ARHGEF26: variants seen among roughly 807,000 people sequenced by gnomAD.
The protein encoded by ARHGEF26 is Rho guanine nucleotide exchange factor (GEF) 26.
Under a neutral mutation model 89.4 loss-of-function variants are expected in ARHGEF26, and 59 were observed. The observed-to-expected ratio is 0.66, with a 90% CI of 0.54 to 0.82. ARHGEF26 has a LOEUF of 0.82. Ranked by LOEUF, ARHGEF26 falls within the 40% of genes least tolerant of loss-of-function variation. The pLI, the probability that ARHGEF26 is intolerant of heterozygous loss-of-function variation, is 0.00. For missense variants in ARHGEF26, 1,234 were observed against 1,085.6 expected (o/e 1.14, Z -1.92); for synonymous variants, 500 against 428.4 (o/e 1.17, Z -2.06).
chr3:154,155,540 C>G lies in ARHGEF26; in HGVS notation c.1487+2608C>G, dbSNP rs1006061117. Reference sequence around the variant, plus strand: ...ATACAAGTAGAAATGATGAACATAACTGAATTTATCAAATACCAAAATATT... The same window carrying G: ...ATACAAGTAGAAATGATGAACATAAGTGAATTTATCAAATACCAAAATATT... On this transcript the variant is annotated intron_variant, in intron 6 of 14. Transcript: ENST00000465093. Among the ~76,000 whole-genome samples the G allele has an allele frequency of 2.0e-5, 3 of 152,038 alleles. No homozygotes were observed. The East Asian group carries it at 5.8e-4, about 29-fold the overall frequency.
rs754344998 is a variant in ARHGEF26, at chr3:154,217,859, G to T, written c.1846-10G>T. The T allele has an allele frequency of 6.3e-7, 1 of 1,586,304 alleles. No individual in the cohort carries two copies. Among genetic ancestry groups the T allele is most frequent in the Non-Finnish European group, 8.6e-7 (1 of 1,165,116 alleles). Reference sequence around the variant, plus strand: ...GACCTTTAACCCTCGTTACTCTTCTGTGTTCCCAGTTGGTTCGACTATGCA... The same window carrying T: ...GACCTTTAACCCTCGTTACTCTTCTTTGTTCCCAGTTGGTTCGACTATGCA... On this transcript the variant is annotated splice_polypyrimidine_tract_variant and intron_variant, in intron 9 of 14. Transcript: ENST00000465093.
At chr3:154,176,144 G>A (rs781663465) in intron 6 of ARHGEF26, among the ~76,000 whole-genome samples, 30 of 152,240 alleles carry the variant, frequency 2.0e-4, no homozygotes, top group Admixed American at 4.6e-4. Flanking sequence ...TTAAACCGGA[G>A]ACTATCACCC....
At chr3:154,203,631 T>C (rs1010149682) in intron 9 of ARHGEF26, among the ~76,000 whole-genome samples, 1 of 152,174 alleles carries the variant, frequency 6.6e-6, no homozygotes, top group Non-Finnish European at 1.5e-5. Flanking sequence ...TCATATGATT[T>C]TTTATCATGT....
chr3:154,254,158 G>A (rs1404433382), intron 13 of ARHGEF26, among the ~76,000 whole-genome samples: 8 of 152,064 alleles, frequency 5.3e-5, no homozygotes, highest in African/African-American at 9.7e-5. Context: ...CTCGTGATCC[G>A]CCTGCCTCGG....
At chr3:154,139,907 G>C (rs76453079) in intron 4 of ARHGEF26, among the ~76,000 whole-genome samples, 1 of 152,140 alleles carries the variant, frequency 6.6e-6, no homozygotes, top group Non-Finnish European at 1.5e-5. Context: ...TCTGTAGCAG[G>C]AAGTATTATT....
chr3:154,254,799 C>A lies in ARHGEF26; in HGVS notation c.2448C>A (p.Val816=). Residue 816 remains valine (V), a synonymous_variant, in exon 14 of 15, where the codon GTC becomes GTA. Coordinates refer to ENST00000465093, the MANE Select transcript of ARHGEF26 (RefSeq NM_015595.4). ...DELSLQVADV[V]LIYQRVSDGW... Reference sequence around the variant, plus strand: ...TCTCCCTGCAGGTGGCTGACGTCGTCCTCATCTATCAACGTGTCAGCGATG... The same window carrying A: ...TCTCCCTGCAGGTGGCTGACGTCGTACTCATCTATCAACGTGTCAGCGATG... 1 of 1,613,816 alleles carries A rather than the reference C, an allele frequency of 6.2e-7. No homozygotes were observed. Among genetic ancestry groups the A allele is most frequent in the South Asian group, 1.1e-5 (1 of 91,068 alleles).
In ARHGEF26 at chr3:154,167,403, C is replaced by T. The variant is rs571253041; in HGVS notation, c.1487+14471C>T. ...TGGGGGAACTGAGGAAGTGACCTTT[C>T]CTTACCGCTCAATCTTCTTTCCTTT... On this transcript the variant is annotated intron_variant, in intron 6 of 14. Transcript: ENST00000465093. Among the ~76,000 whole-genome samples the T allele has an allele frequency of 1.1e-4, 17 of 152,266 alleles. 1 individual carries two copies. The South Asian group carries it at 3.5e-3, about 32-fold the overall frequency.
intron 6 of ARHGEF26, among the ~76,000 whole-genome samples, chr3:154,161,994 G>A (rs2108119332): frequency 6.6e-6 from 1 of 152,292 alleles, no homozygotes; most frequent in East Asian, 1.9e-4. Context: ...ATTCTGAGTT[G>A]TCACATGGAG....
Position 154,241,433 on chromosome 3 carries a change from C to G in ARHGEF26, c.2300+854C>G, listed in dbSNP as rs115408539. On this transcript the variant is annotated intron_variant, in intron 12 of 14. Transcript: ENST00000465093. ...GGATCAGCAGCTGATGAATAACAAC[C>G]CTAAAATTGTAGCAAGATCTTAGAG... is the stretch of plus-strand genomic sequence containing the variant. Among the ~76,000 whole-genome samples, 1,387 of 152,204 alleles carry G rather than the reference C, an allele frequency of 9.1e-3. 11 individuals carry two copies. Among genetic ancestry groups the G allele is most frequent in the Non-Finnish European group, 0.016 (1,058 of 68,012 alleles).
chr3:154,138,417 CTT>C (rs1336222976), intron 4 of ARHGEF26, among the ~76,000 whole-genome samples: 4 of 152,072 alleles, frequency 2.6e-5, no homozygotes, highest in Non-Finnish European at 5.9e-5. Flanking sequence ...AGCGTTGGAA[CTT>C]TATGTAACTC....
chr3:154,140,410 A>G (rs1719287006), intron 4 of ARHGEF26, among the ~76,000 whole-genome samples: 1 of 152,162 alleles, frequency 6.6e-6, no homozygotes, highest in Non-Finnish European at 1.5e-5. Flanking sequence ...CAAAAGATGG[A>G]TACATGTACC....
chr3:154,194,936 C>T (rs1159004062), intron 9 of ARHGEF26, among the ~76,000 whole-genome samples: 1 of 152,204 alleles, frequency 6.6e-6, no homozygotes, highest in African/African-American at 2.4e-5. Flanking sequence ...CCTACAGATA[C>T]CTCATTTTCT....
intron 9 of ARHGEF26, among the ~76,000 whole-genome samples, chr3:154,203,539 A>C (rs1714797616): frequency 6.6e-6 from 1 of 152,126 alleles, no homozygotes; most frequent in African/African-American, 2.4e-5. Flanking sequence ...TGGTGGTGAA[A>C]GTGGATATCC....
chr3:154,153,055 TC>T, intron 6 of ARHGEF26, 123 bp downstream of exon 6: 1 of 873,380 alleles, frequency 1.1e-6, no homozygotes, highest in South Asian at 3.1e-5. Context: ...TTGTCTTGAT[TC>T]CTTGAAATAC....
At position 154,163,758 on chromosome 3, in the gene ARHGEF26, G is replaced by A. The variant is rs145307437; in HGVS notation, c.1487+10826G>A. ...TTATTTTCTCATGGACATTGTTCCC[G>A]AAGTGAAGAATATTGTCCATATCTT... On this transcript the variant is annotated intron_variant, in intron 6 of 14. Transcript: ENST00000465093. Among the ~76,000 whole-genome samples, 924 of 152,258 alleles carry A rather than the reference G, an allele frequency of 6.1e-3. 7 individuals carry two copies. The highest frequency in any genetic ancestry group is 0.021 in the African/African-American group (863 of 41,548).
At position 154,205,127 on chromosome 3, in the gene ARHGEF26, C is replaced by CACTAGA. The variant is rs1714934158; in HGVS notation, c.1845+10409_1845+10410insACTAGA. ...GTTGAAGTCTCTAGCTATTATGGTA[C>CACTAGA]TATGGTGTATCTCTTTCTTTACCTT... On this transcript the variant is annotated intron_variant, in intron 9 of 14. Transcript: ENST00000465093. Among the ~76,000 whole-genome samples the CACTAGA allele has an allele frequency of 1.4e-4, 22 of 152,222 alleles. 1 individual carries two copies. In the South Asian group the frequency reaches 4.4e-3, roughly 30 times the overall value.
chr3:154,124,374 T>TTTTTTTTTTTTTTTTTC (rs750225442), intron 2 of ARHGEF26, 36 bp from the exon 3 acceptor site: 1 of 648,548 alleles, frequency 1.5e-6, no homozygotes. Context: ...TGCTTTTCCT[T>TTTTTTTTTTTTTTTTTC]TTTTTTTTTT....
chr3:154,228,396 C>T (rs1576804829), intron 11 of ARHGEF26, among the ~76,000 whole-genome samples: 2 of 151,412 alleles, frequency 1.3e-5, no homozygotes, highest in African/African-American at 4.9e-5. Context: ...CTCGGCCTCC[C>T]AAAGTGCTGG....
At chr3:154,152,050 T>C (rs1720057843) in intron 5 of ARHGEF26, among the ~76,000 whole-genome samples, 2 of 152,196 alleles carry the variant, frequency 1.3e-5, no homozygotes, top group Admixed American at 1.3e-4. Context: ...TCATTAACAG[T>C]TATCAGGAAA....
Sources: allele counts gnomAD v4.1 joint callset (sites outside exome capture counted in the v4.1 genomes callset), GRCh38; gene constraint gnomAD v4.1.1; transcripts MANE v1.5; gene names NCBI Gene and HGNC (gene_info 2026-07-23, HGNC 2026-07-21).